The following COL19A1 variants were observed in gnomAD, a reference collection of about 807,000 sequenced individuals.
COL19A1 encodes collagen alpha-1(XIX) chain.
In COL19A1, 159 loss-of-function variants were observed where a neutral mutation model predicts 190.2. The observed-to-expected ratio is 0.84, with a 90% CI of 0.73 to 0.95. The LOEUF (loss-of-function observed/expected upper bound fraction) is 0.95, where lower values mean the gene tolerates loss of function less well. Among genes scored for constraint, COL19A1 ranks in the 40% least tolerant of loss-of-function variants. The pLI is 0.00. For missense variants in COL19A1, 1,418 were observed against 1,431.9 expected (o/e 0.99, Z 0.16); for synonymous variants, 509 against 458.9 (o/e 1.11, Z -1.39).
chr6:70,140,367 A>G (rs190663913), intron 19 of COL19A1, among the ~76,000 whole-genome samples: 154 of 152,146 alleles, frequency 1.0e-3, no homozygotes, highest in Non-Finnish European at 1.8e-3. Context: ...TTATTGCTGT[A>G]TTATTTTTTA....
intron 6 of COL19A1, 108 bp downstream of exon 6, chr6:69,929,808 C>A: frequency 9.8e-7 from 1 of 1,021,676 alleles, no homozygotes; most frequent in Non-Finnish European, 1.4e-6. Flanking sequence ...CCCTTCTCAT[C>A]AATTTTATTA....
chr6:69,872,978 AT>A (rs1056882394), intron 1 of COL19A1, among the ~76,000 whole-genome samples: 5 of 152,208 alleles, frequency 3.3e-5, no homozygotes, highest in African/African-American at 1.2e-4. Flanking sequence ...CAGTAAAAGC[AT>A]TTTAGTCAGG....
chr6:69,984,141 TTATGTTTCTCC>T (rs1776191553), intron 11 of COL19A1, among the ~76,000 whole-genome samples: 1 of 152,138 alleles, frequency 6.6e-6, no homozygotes, highest in Admixed American at 6.5e-5. Flanking sequence ...ATTGCTTTGT[TTATGTTTCTCC>T]TGAAAATTTG....
intron 11 of COL19A1, among the ~76,000 whole-genome samples, chr6:70,022,626 C>A (rs1778477303): frequency 6.6e-6 from 1 of 152,128 alleles, no homozygotes; most frequent in African/African-American, 2.4e-5. Context: ...TATGTATCAT[C>A]CACAGTGGTA....
chr6:69,887,776 A>G (rs1205282430), intron 2 of COL19A1, among the ~76,000 whole-genome samples: 1 of 152,140 alleles, frequency 6.6e-6, no homozygotes, highest in Non-Finnish European at 1.5e-5. Flanking sequence ...AAGGAAGGAA[A>G]GGGGGAAACA....
chr6:69,933,610 A>G (rs1031947252), intron 7 of COL19A1, among the ~76,000 whole-genome samples: 12 of 152,062 alleles, frequency 7.9e-5, no homozygotes, highest in Non-Finnish European at 1.8e-4. Flanking sequence ...ACCTAACCAT[A>G]CAACTGTTAC....
chr6:70,168,794 C>T, intron 40 of COL19A1, 113 bp downstream of exon 40: 2 of 1,090,592 alleles, frequency 1.8e-6, no homozygotes, highest in Non-Finnish European at 1.4e-6. Context: ...AATTAACATG[C>T]TGGTGGTGAC....
At chr6:69,970,168 TG>T (rs1282536475) in intron 11 of COL19A1, among the ~76,000 whole-genome samples, 1 of 152,166 alleles carries the variant, frequency 6.6e-6, no homozygotes, top group East Asian at 1.9e-4. Flanking sequence ...CTAACACAAA[TG>T]ATATAAAATT....
intron 41 of COL19A1, among the ~76,000 whole-genome samples, chr6:70,175,160 A>AT (rs548731350): frequency 3.0e-4 from 45 of 151,962 alleles, no homozygotes; most frequent in Non-Finnish European, 4.9e-4. Context: ...TCTATCAGTT[A>AT]TTTTTTTCTT....
intron 15 of COL19A1, among the ~76,000 whole-genome samples, chr6:70,095,999 G>A (rs911285678): frequency 6.6e-6 from 1 of 152,002 alleles, no homozygotes; most frequent in Non-Finnish European, 1.5e-5. Flanking sequence ...ATGAACATGG[G>A]TATGCAAATA....
At chr6:70,131,642 A>G (rs1439334850) in intron 18 of COL19A1, among the ~76,000 whole-genome samples, 1 of 152,152 alleles carries the variant, frequency 6.6e-6, no homozygotes, top group Non-Finnish European at 1.5e-5. Flanking sequence ...ATTTTAAGCA[A>G]TGACTTCTGG....
chr6:70,168,588 A>G, intron 39 of COL19A1, 67 bp from the exon 40 acceptor site: 1 of 1,524,150 alleles, frequency 6.6e-7, no homozygotes, highest in Non-Finnish European at 9.0e-7. Flanking sequence ...ATTGGACAAC[A>G]GTGTTTCTTA....
Position 70,130,172 on chromosome 6 carries a change from T to C in COL19A1, c.1342-10T>C, listed in dbSNP as rs778144350. The stretch of plus-strand genomic sequence containing the variant: ...TTTCTTTTGTATTTTAAATTGTTTT[T>C]CACCCCTAGGGAAATGATGAACATG... On this transcript the variant is annotated splice_polypyrimidine_tract_variant and intron_variant, in intron 17 of 50. Transcript: ENST00000620364. 3.7e-6 allele frequency: 6 copies of C among 1,610,626 alleles called. No homozygotes were observed. Among genetic ancestry groups the C allele is most frequent in the Non-Finnish European group, 2.5e-6 (3 of 1,179,082 alleles).
chr6:70,172,912 G>C (rs802184), intron 41 of COL19A1, among the ~76,000 whole-genome samples: 6 of 152,172 alleles, frequency 3.9e-5, no homozygotes, highest in African/African-American at 1.4e-4. Context: ...CAGGTGCCAG[G>C]TGATGCTGGC....
intron 14 of COL19A1, among the ~76,000 whole-genome samples, chr6:70,064,952 A>G (rs556903821): frequency 7.2e-5 from 11 of 152,320 alleles, no homozygotes; most frequent in South Asian, 6.2e-4. Context: ...TCAACGAAAT[A>G]AAAGAGGACA....
chr6:69,980,302 T>G (rs1013499098), intron 11 of COL19A1, among the ~76,000 whole-genome samples: 1 of 152,126 alleles, frequency 6.6e-6, no homozygotes, highest in Non-Finnish European at 1.5e-5. Flanking sequence ...AACTTTTGTA[T>G]TTTTATTCAG....
At chr6:70,170,527 T>C (rs772353684) in intron 40 of COL19A1, among the ~76,000 whole-genome samples, 2 of 147,062 alleles carry the variant, frequency 1.4e-5, no homozygotes, top group African/African-American at 2.6e-5. Flanking sequence ...AGTTTATAAA[T>C]GATGTTTAAT....
At chr6:70,180,588 T>C in intron 44 of COL19A1, 65 bp downstream of exon 44, 1 of 1,510,930 alleles carries the variant, frequency 6.6e-7, no homozygotes, top group South Asian at 1.1e-5. Context: ...TCTCCTCATC[T>C]ACCACCTCAG....
intron 27 of COL19A1, 73 bp downstream of exon 27, chr6:70,146,962 G>C: frequency 1.5e-6 from 2 of 1,337,084 alleles, no homozygotes; most frequent in Non-Finnish European, 1.0e-6. Context: ...ATTTTAACAA[G>C]GAGAAAAGAA....
Sources: gnomAD v4.1 joint callset for allele counts (sites outside exome capture counted in the v4.1 genomes callset) on GRCh38, gnomAD v4.1.1 for gene constraint, MANE v1.5 for transcripts, NCBI Gene and HGNC (gene_info 2026-07-23, HGNC 2026-07-21) for gene names.